Variants in GREB1 observed in about 807,000 individuals in gnomAD.
GREB1 encodes the protein protein GREB1.
Under a neutral mutation model 200.7 loss-of-function variants are expected in GREB1, and 106 were observed. That is an observed-to-expected ratio of 0.53 (90% CI 0.45 to 0.62). The LOEUF (loss-of-function observed/expected upper bound fraction) is 0.62, where lower values mean the gene tolerates loss of function less well. GREB1 is among the 20% of genes least tolerant of loss of function. The pLI, the probability that GREB1 is intolerant of heterozygous loss-of-function variation, is 0.00. For synonymous variants in GREB1, 1,132 were observed against 1,092.4 expected (o/e 1.04, Z -0.72); for missense variants, 2,243 against 2,556.8 (o/e 0.88, Z 2.65).
Position 11,608,823 on chromosome 2 carries a change from T to G in GREB1, c.2667-1865T>G, listed in dbSNP as rs571714102. 4.6e-5 allele frequency among the ~76,000 whole-genome samples: 7 copies of G among 152,334 alleles called. No homozygotes were observed. The East Asian group carries it at 1.3e-3, about 29-fold the overall frequency. On this transcript the variant is annotated intron_variant, in intron 17 of 32. Transcript: ENST00000381486. ...GGGTCATTTCCTTACATATGTGCACTGCTCATATCAACTGAAGACTTTAGG... is the reference window on the plus strand; with the variant it reads ...GGGTCATTTCCTTACATATGTGCACGGCTCATATCAACTGAAGACTTTAGG...
chr2:11,554,474 G>A (rs1315510136), intron 1 of GREB1, among the ~76,000 whole-genome samples: 1 of 152,164 alleles, frequency 6.6e-6, no homozygotes, highest in Non-Finnish European at 1.5e-5. Flanking sequence ...AAGCTACTCT[G>A]CCACCAACAG....
At chr2:11,565,320 C>T (rs1264955381) in intron 3 of GREB1, among the ~76,000 whole-genome samples, 2 of 152,252 alleles carry the variant, frequency 1.3e-5, no homozygotes, top group Non-Finnish European at 2.9e-5. Context: ...CTGCCAGCGT[C>T]TCCCCCACAG....
chr2:11,620,683 G>C (rs925045683), intron 22 of GREB1, among the ~76,000 whole-genome samples: 4 of 152,188 alleles, frequency 2.6e-5, no homozygotes, highest in African/African-American at 9.6e-5. Flanking sequence ...AGAGATGCGT[G>C]TGCGACGATA....
Position 11,552,608 on chromosome 2 carries a change from A to G in GREB1, c.-161-3846A>G, listed in dbSNP as rs191890963. Among the ~76,000 whole-genome samples, 345 of 152,116 alleles carry G rather than the reference A, an allele frequency of 2.3e-3. 2 individuals are homozygous for G. Among genetic ancestry groups the G allele is most frequent in the Middle Eastern group, 6.8e-3 (2 of 294 alleles). Reference sequence around the variant, plus strand: ...GACCGGTCTGGCCCAAACCTTCCTCACCCAGCAGGTGTGGCTTTGCAGTCA... The same window carrying G: ...GACCGGTCTGGCCCAAACCTTCCTCGCCCAGCAGGTGTGGCTTTGCAGTCA... On this transcript the variant is annotated intron_variant, in intron 1 of 32. Transcript: ENST00000381486.
intron 5 of GREB1, among the ~76,000 whole-genome samples, chr2:11,577,679 T>A (rs1679019994): frequency 6.6e-6 from 1 of 152,166 alleles, no homozygotes; most frequent in Non-Finnish European, 1.5e-5. Flanking sequence ...CCCGGGCAGG[T>A]CCTGGGAGTA....
At chr2:11,535,671 G>A (rs1012322300) in intron 1 of GREB1, among the ~76,000 whole-genome samples, 13 of 152,312 alleles carry the variant, frequency 8.5e-5, no homozygotes, top group African/African-American at 3.1e-4. Context: ...AGGTCTGAGA[G>A]TCTAGGATTC....
At chr2:11,530,406 GAAA>G (rs1345139636), upstream of GREB1, among the ~76,000 whole-genome samples, 1 of 137,712 alleles carries the variant, frequency 7.3e-6, no homozygotes, top group Admixed American at 7.3e-5. Context: ...TGCCAAATAG[GAAA>G]AAAAAAAAAA....
chr2:11,584,924 G>A (rs1314546937), intron 7 of GREB1: 8 of 377,954 alleles, frequency 2.1e-5, no homozygotes, highest in South Asian at 1.7e-4. Flanking sequence ...TCCCGGGAGT[G>A]GAGGACCACC....
chr2:11,557,400 T>C (rs1676532851), intron 2 of GREB1, among the ~76,000 whole-genome samples: 1 of 152,242 alleles, frequency 6.6e-6, no homozygotes, highest in Non-Finnish European at 1.5e-5. Context: ...TTTTTGTAAG[T>C]TGATGTCTTT....
chr2:11,535,192 T>A (rs1478000949), intron 1 of GREB1, among the ~76,000 whole-genome samples: 1 of 152,138 alleles, frequency 6.6e-6, no homozygotes, highest in Non-Finnish European at 1.5e-5. Flanking sequence ...CTCCCAACAC[T>A]TGTCTGGCGT....
chr2:11,486,910 AT>A (rs1213809560), intron 1 of GREB1, among the ~76,000 whole-genome samples: 3 of 152,046 alleles, frequency 2.0e-5, no homozygotes, highest in Non-Finnish European at 4.4e-5. Flanking sequence ...GAAATCTATG[AT>A]TTAGATATAG....
intron 3 of GREB1, among the ~76,000 whole-genome samples, chr2:11,564,784 G>A (rs1004367239): frequency 1.1e-4 from 17 of 152,178 alleles, no homozygotes; most frequent in African/African-American, 4.1e-4. Flanking sequence ...TGCTGATAAA[G>A]ACATACCCAA....
At chr2:11,522,523 G>A (rs547932704) in intron 1 of GREB1, among the ~76,000 whole-genome samples, 1 of 152,196 alleles carries the variant, frequency 6.6e-6, no homozygotes, top group South Asian at 2.1e-4. Flanking sequence ...TGCAGGACTC[G>A]CAGCAGGAAC....
rs934966820 is a variant in GREB1, at chr2:11,552,744, G to A, written c.-161-3710G>A. Among the ~76,000 whole-genome samples the A allele has an allele frequency of 9.9e-5, 15 of 152,080 alleles. No homozygotes were observed. The East Asian group carries it at 2.3e-3, about 24-fold the overall frequency. On this transcript the variant is annotated intron_variant, in intron 1 of 32. Transcript: ENST00000381486. Reference sequence around the variant, plus strand: ...GAGCCGCAGTTGGCCGGGCGCGGTGGCTCACGCCTGTAATCCCAGCACTTT... The same window carrying A: ...GAGCCGCAGTTGGCCGGGCGCGGTGACTCACGCCTGTAATCCCAGCACTTT...
At chr2:11,585,115 G>A (rs12470971) in intron 7 of GREB1, 46 bp from the exon 8 acceptor site, 347,757 of 1,010,154 alleles carry the variant, frequency 0.34, 62,720 homozygotes, top group East Asian at 0.49. Context: ...TTTTATTGGA[G>A]CCCTGTCCTG....
chr2:11,598,668 T>C lies in GREB1; in HGVS notation c.2153-12T>C. On this transcript the variant is annotated splice_polypyrimidine_tract_variant and intron_variant, in intron 14 of 32. Coordinates refer to ENST00000381486, the MANE Select transcript of GREB1 (RefSeq NM_014668.4). ...TGTTTGCAGTTACTGATGTATGTTC[T>C]TTGTGTTGCAGGGGTTTTGCTGGAG... 1 of 1,613,440 alleles carries C rather than the reference T, an allele frequency of 6.2e-7. No individual in the cohort carries two copies. The highest frequency in any genetic ancestry group is 8.5e-7 in the Non-Finnish European group (1 of 1,179,442).
rs1250380069 is a variant in GREB1, at chr2:11,501,894, T to TG, written c.-159+19514dup. On this transcript the variant is annotated intron_variant, in intron 1 of 2. Coordinates refer to the GREB1 transcript ENST00000628795. ...CTTACTTATTAGAGCCTGGATTTCC[T>TG]GTTTTTTTTTGTTTTTTTTTTTTTT... Among the ~76,000 whole-genome samples the TG allele has an allele frequency of 1.7e-3, 113 of 67,474 alleles. 1 individual carries two copies. Among genetic ancestry groups the TG allele is most frequent in the South Asian group, 2.0e-3 (3 of 1,486 alleles). The allele number at this position is 67,474 out of a possible 152,430, so 44.3% of individuals were successfully genotyped here.
chr2:11,511,150 C>G (rs1673339158), intron 1 of GREB1, among the ~76,000 whole-genome samples: 1 of 152,164 alleles, frequency 6.6e-6, no homozygotes, highest in Admixed American at 6.5e-5. Context: ...TCCCAGCAGT[C>G]TTCACAAGAA....
In GREB1 at chr2:11,632,790, G is replaced by A. The variant is rs1043665593; in HGVS notation, c.4817-99G>A. On this transcript the variant is annotated intron_variant, in intron 27 of 32. Coordinates refer to ENST00000381486, the MANE Select transcript of GREB1 (RefSeq NM_014668.4). ...ATTCATGTCAGGAAGGTCGGGGCTG[G>A]CTTGTCTGGGCGGCCCCGACAGCAG... 12 of 980,032 alleles carry A rather than the reference G, an allele frequency of 1.2e-5. No homozygotes were observed. The African/African-American group carries it at 1.3e-4, about 10-fold the overall frequency. The allele number at this position is 980,032 out of a possible 1,614,324, so 60.7% of individuals were successfully genotyped here. A position where few individuals can be genotyped will look rare whatever the true frequency, so the allele number is the denominator to read the frequency against.
Sources: gnomAD v4.1 joint callset for allele counts (sites outside exome capture counted in the v4.1 genomes callset) on GRCh38, gnomAD v4.1.1 for gene constraint, MANE v1.5 for transcripts, NCBI Gene and HGNC (gene_info 2026-07-23, HGNC 2026-07-21) for gene names.